Variants in KHDRBS2 observed in about 807,000 individuals in gnomAD.
KHDRBS2 encodes the protein KH domain-containing, RNA-binding, signal transduction-associated protein 2.
In KHDRBS2, 26 loss-of-function variants were observed where a neutral mutation model predicts 44.3. The ratio of observed to expected loss-of-function variants is 0.59; its 90% CI spans 0.43 to 0.81. The LOEUF (loss-of-function observed/expected upper bound fraction) is 0.81, where lower values mean the gene tolerates loss of function less well. KHDRBS2 is among the 40% of genes least tolerant of loss of function. The pLI is 0.00. For missense variants in KHDRBS2, 476 were observed against 433.1 expected (o/e 1.10, Z -0.88); for synonymous variants, 194 against 151.1 (o/e 1.28, Z -2.08).
intron 4 of KHDRBS2, among the ~76,000 whole-genome samples, chr6:61,908,588 A>C (rs1805470678): frequency 6.7e-6 from 1 of 149,936 alleles, no homozygotes; most frequent in Non-Finnish European, 1.5e-5. Flanking sequence ...GAGCTGAGAT[A>C]GCGCCACTGC....
chr6:61,621,810 A>G, the KHDRBS2 span, among the ~76,000 whole-genome samples: 1 of 152,196 alleles, frequency 6.6e-6, no homozygotes, highest in Non-Finnish European at 1.5e-5. Flanking sequence ...TCACATTTTA[A>G]CAGATTGGAA....
At chr6:61,884,345 T>C (rs1259289835) in intron 6 of KHDRBS2, among the ~76,000 whole-genome samples, 1 of 152,124 alleles carries the variant, frequency 6.6e-6, no homozygotes. Flanking sequence ...AAATTTCTCA[T>C]GTCGTGCTGA....
intron 6 of KHDRBS2, among the ~76,000 whole-genome samples, chr6:61,851,319 C>A (rs1174400178): frequency 2.0e-5 from 3 of 151,454 alleles, no homozygotes; most frequent in African/African-American, 7.3e-5. Flanking sequence ...ATATATATAT[C>A]TCCTACTTAC....
intron 2 of KHDRBS2, among the ~76,000 whole-genome samples, chr6:62,100,464 C>T (rs1043139074): frequency 1.3e-5 from 2 of 152,098 alleles, no homozygotes; most frequent in African/African-American, 4.8e-5. Context: ...GAGTAAAATG[C>T]TATCAAACAG....
At chr6:62,003,465 A>C (rs984531286) in intron 3 of KHDRBS2, among the ~76,000 whole-genome samples, 2 of 152,130 alleles carry the variant, frequency 1.3e-5, no homozygotes, top group African/African-American at 4.8e-5. Context: ...AAGAAGAGTT[A>C]ACTATCCTAA....
chr6:61,602,810 T>C, the KHDRBS2 span, among the ~76,000 whole-genome samples: 1 of 152,050 alleles, frequency 6.6e-6, no homozygotes, highest in Non-Finnish European at 1.5e-5. Context: ...ACTTAGACAA[T>C]ACTCTTTTAA....
the KHDRBS2 span, among the ~76,000 whole-genome samples, chr6:61,604,689 C>A: frequency 1.3e-5 from 2 of 152,198 alleles, no homozygotes; most frequent in African/African-American, 4.8e-5. Context: ...CCTTTCCCTA[C>A]ACATCAAGCT....
intron 4 of KHDRBS2, among the ~76,000 whole-genome samples, chr6:61,915,282 A>G (rs896608407): frequency 1.3e-5 from 2 of 152,048 alleles, no homozygotes; most frequent in African/African-American, 2.4e-5. Context: ...GACAAAAGGC[A>G]ATGGAAGTTG....
At chr6:62,220,535 TAA>T (rs1052774648) in intron 1 of KHDRBS2, among the ~76,000 whole-genome samples, 4 of 151,776 alleles carry the variant, frequency 2.6e-5, no homozygotes, top group Non-Finnish European at 4.4e-5. Context: ...CATATAATCT[TAA>T]GAGGGTAAAT....
intron 6 of KHDRBS2, among the ~76,000 whole-genome samples, chr6:61,792,897 A>G (rs1405909475): frequency 6.6e-6 from 1 of 151,898 alleles, no homozygotes; most frequent in Non-Finnish European, 1.5e-5. Flanking sequence ...GCTTGTGTGT[A>G]CCTGTGTGTA....
intron 1 of KHDRBS2, among the ~76,000 whole-genome samples, chr6:62,258,402 G>A (rs187362014): frequency 2.6e-3 from 389 of 152,068 alleles, no homozygotes; most frequent in Middle Eastern, 0.014. Context: ...CTTTTTCATT[G>A]TATTAATGGT....
At chr6:61,609,977 A>T in the KHDRBS2 span, among the ~76,000 whole-genome samples, 1 of 152,044 alleles carries the variant, frequency 6.6e-6, no homozygotes, top group Admixed American at 6.6e-5. Flanking sequence ...ATAGATACCA[A>T]CCTGGCTAAC....
intron 7 of KHDRBS2, among the ~76,000 whole-genome samples, chr6:61,704,225 T>C (rs758861453): frequency 7.2e-5 from 11 of 151,870 alleles, no homozygotes; most frequent in Non-Finnish European, 1.5e-4. Flanking sequence ...TAGCTACATA[T>C]ACATACATTC....
At chr6:61,603,794 C>T in the KHDRBS2 span, among the ~76,000 whole-genome samples, 3 of 152,178 alleles carry the variant, frequency 2.0e-5, no homozygotes, top group African/African-American at 7.2e-5. Context: ...CCTGGCTGGC[C>T]TTCAATCCAG....
chr6:62,186,218 A>G (rs1377918139), intron 1 of KHDRBS2, among the ~76,000 whole-genome samples: 4 of 152,168 alleles, frequency 2.6e-5, no homozygotes, highest in Non-Finnish European at 4.4e-5. Context: ...AGTTTACTTA[A>G]GTTTTCTGCA....
intron 3 of KHDRBS2, among the ~76,000 whole-genome samples, chr6:61,987,981 C>T (rs1305434216): frequency 6.6e-6 from 1 of 152,148 alleles, no homozygotes; most frequent in African/African-American, 2.4e-5. Flanking sequence ...GAAAGTACTA[C>T]AAGCATCAAA....
At chr6:61,744,856 T>C (rs1457354474) in intron 6 of KHDRBS2, among the ~76,000 whole-genome samples, 1 of 152,162 alleles carries the variant, frequency 6.6e-6, no homozygotes, top group Non-Finnish European at 1.5e-5. Context: ...TACTATCTCC[T>C]AACAAACATG....
rs1189763555 is a variant in KHDRBS2, at chr6:61,912,815, G to A, written c.484-11444C>T. ...TCTGTATGTTACAGAAAGGATTTAC[G>A]GCAAAGAAGTTACAAGATATTCTTA... On this transcript the variant is annotated intron_variant, in intron 4 of 8. Coordinates refer to ENST00000281156, the MANE Select transcript of KHDRBS2 (RefSeq NM_152688.4). 2.6e-5 allele frequency among the ~76,000 whole-genome samples: 4 copies of A among 152,076 alleles called. No individual in the cohort carries two copies. In the East Asian group the frequency reaches 7.7e-4, roughly 29 times the overall value.
At chr6:61,579,327 A>G in the KHDRBS2 span, among the ~76,000 whole-genome samples, 2 of 152,170 alleles carry the variant, frequency 1.3e-5, no homozygotes, top group African/African-American at 2.4e-5. Flanking sequence ...TATTAATACC[A>G]TATTACAACT....
Sources: allele counts gnomAD v4.1 joint callset (sites outside exome capture counted in the v4.1 genomes callset), GRCh38; gene constraint gnomAD v4.1.1; transcripts MANE v1.5; gene names NCBI Gene and HGNC (gene_info 2026-07-23, HGNC 2026-07-21).